SLC7A11: variants seen among roughly 807,000 people sequenced by gnomAD.
SLC7A11 encodes the protein cystine/glutamate transporter.
A neutral mutation model predicts 54.5 loss-of-function variants in SLC7A11; 35 were observed. The ratio of observed to expected loss-of-function variants is 0.64; its 90% CI spans 0.49 to 0.85. The LOEUF (loss-of-function observed/expected upper bound fraction) is 0.85. Ranked by LOEUF, SLC7A11 falls within the 40% of genes least tolerant of loss-of-function variation. The pLI, the probability that SLC7A11 is intolerant of heterozygous loss-of-function variation, is 0.00. For synonymous variants in SLC7A11, 230 were observed against 225.2 expected (o/e 1.02, Z -0.19); for missense variants, 583 against 618.1 (o/e 0.94, Z 0.60).
At chr4:138,216,604 A>G (rs959508875) in intron 5 of SLC7A11, among the ~76,000 whole-genome samples, 2 of 152,134 alleles carry the variant, frequency 1.3e-5, no homozygotes, top group Non-Finnish European at 2.9e-5. Flanking sequence ...CATTCTAGAA[A>G]GTTTCAGCAT....
chr4:138,242,097 AC>A lies in SLC7A11; in HGVS notation c.-29del. 1 of 1,606,626 alleles carries A rather than the reference AC, an allele frequency of 6.2e-7. No homozygotes were observed. On this transcript the variant is annotated 5_prime_UTR_variant, in exon 1 of 12. Transcript: ENST00000280612. ...TAGGGACACACGGGGGAAAAATAAA[AC>A]AGAGGGAAAGAAAACAAAACTTTCA...
In SLC7A11 at chr4:138,188,245, T is replaced by C. The variant is rs113063468; in HGVS notation, c.792-3001A>G. On this transcript the variant is annotated intron_variant, in intron 6 of 11. Coordinates refer to ENST00000280612, the MANE Select transcript of SLC7A11 (RefSeq NM_014331.4). Reference sequence around the variant, plus strand: ...ACCCAGCTAATTTTTTTATCTTTATTAGAGACAGGGTTTCACCATGTTGGC... The same window carrying C: ...ACCCAGCTAATTTTTTTATCTTTATCAGAGACAGGGTTTCACCATGTTGGC... Among the ~76,000 whole-genome samples the C allele has an allele frequency of 2.2e-3, 335 of 152,236 alleles. 3 individuals are homozygous for C. Among genetic ancestry groups the C allele is most frequent in the African/African-American group, 7.8e-3 (325 of 41,536 alleles).
At position 138,241,909 on chromosome 4, in the gene SLC7A11, A is replaced by G. The variant is rs1488250785; in HGVS notation, c.161T>C (p.Ile54Thr). ...VTLLRGVSIIIGTIIGAGIFI... is the reference protein window; with the variant it reads ...VTLLRGVSIITGTIIGAGIFI... ...GATTCCTGCTCCAATGATGGTGCCA[A>G]TGATAATGGAGACTCCCCTCAGTAA... Residue 54 changes from isoleucine to threonine, a missense_variant, in exon 1 of 12, where the codon ATT (isoleucine) becomes ACT (threonine). Coordinates refer to ENST00000280612, the MANE Select transcript of SLC7A11 (RefSeq NM_014331.4). The G allele has an allele frequency of 3.1e-6, 5 of 1,613,930 alleles. No homozygotes were observed. Among genetic ancestry groups the G allele is most frequent in the Non-Finnish European group, 4.2e-6 (5 of 1,179,886 alleles).
chr4:138,207,855 T>C (rs866589361), intron 6 of SLC7A11, among the ~76,000 whole-genome samples: 10 of 152,120 alleles, frequency 6.6e-5, no homozygotes, highest in African/African-American at 2.2e-4. Flanking sequence ...TTTTCTTATG[T>C]TTTTTACTCA....
chr4:138,241,392 T>C (rs1455165732), intron 1 of SLC7A11, among the ~76,000 whole-genome samples: 2 of 152,224 alleles, frequency 1.3e-5, no homozygotes, highest in Admixed American at 6.5e-5. Context: ...TATGTCTAAA[T>C]AGCCCATGCC....
intron 6 of SLC7A11, among the ~76,000 whole-genome samples, chr4:138,190,123 G>A (rs1736973767): frequency 6.6e-6 from 1 of 152,150 alleles, no homozygotes; most frequent in Non-Finnish European, 1.5e-5. Context: ...GTGGGGCTAG[G>A]CATGAGGATA....
At chr4:138,241,000 T>C (rs1384628069) in intron 1 of SLC7A11, among the ~76,000 whole-genome samples, 1 of 152,140 alleles carries the variant, frequency 6.6e-6, no homozygotes, top group Non-Finnish European at 1.5e-5. Context: ...CCAGTTCCCT[T>C]CAGATTAATT....
rs1736335958 is a variant in SLC7A11 at position 138,168,892 on chromosome 4, A to C, written c.*3064T>G. On this transcript the variant is annotated 3_prime_UTR_variant, in exon 12 of 12. Transcript: ENST00000280612. Reference sequence around the variant, plus strand: ...AGGAATATAATCTAATACTTTTTAAATGGGGTCAAAACAGTATTATAAGGA... The same window carrying C: ...AGGAATATAATCTAATACTTTTTAACTGGGGTCAAAACAGTATTATAAGGA... 6.6e-6 allele frequency: 1 copy of C among 152,178 alleles called. No homozygotes were observed. The highest frequency in any genetic ancestry group is 2.1e-4 in the South Asian group (1 of 4,828). 9.4% of individuals were successfully genotyped at this position (152,178 alleles called of 1,614,324 possible). A position where few individuals can be genotyped will look rare whatever the true frequency, so the allele number is the denominator to read the frequency against.
chr4:138,212,368 CCAAA>C (rs1406835551), intron 6 of SLC7A11, among the ~76,000 whole-genome samples: 4 of 151,838 alleles, frequency 2.6e-5, no homozygotes, highest in Non-Finnish European at 1.5e-5. Flanking sequence ...GTAATGACAA[CCAAA>C]CAATTATGTA....
At position 138,167,528 on chromosome 4, in the gene SLC7A11, T is replaced by C. The variant is rs1736299364; in HGVS notation, c.*4428A>G. ...AGATCACACTTTTAGATATTATCTATTTTAACATAGATTAAAAATACTGTT... is the reference window on the plus strand; with the variant it reads ...AGATCACACTTTTAGATATTATCTACTTTAACATAGATTAAAAATACTGTT... On this transcript the variant is annotated 3_prime_UTR_variant, in exon 12 of 12. Coordinates refer to ENST00000280612, the MANE Select transcript of SLC7A11 (RefSeq NM_014331.4). The C allele has an allele frequency of 6.6e-6, 1 of 152,174 alleles. No individual in the cohort carries two copies. The highest frequency in any genetic ancestry group is 2.4e-5 in the African/African-American group (1 of 41,460). 9.4% of individuals were successfully genotyped at this position (152,174 alleles called of 1,614,324 possible).
intron 10 of SLC7A11, among the ~76,000 whole-genome samples, 156 bp downstream of exon 10, chr4:138,180,485 T>C (rs1299511981): frequency 6.6e-6 from 1 of 151,948 alleles, no homozygotes; most frequent in African/African-American, 2.4e-5. Flanking sequence ...CAACTTAAAA[T>C]AAATCCAACA....
intron 6 of SLC7A11, among the ~76,000 whole-genome samples, chr4:138,196,080 T>C (rs1476846288): frequency 6.6e-6 from 1 of 152,152 alleles, no homozygotes; most frequent in Non-Finnish European, 1.5e-5. Context: ...AAATGTTTAT[T>C]CCACCAAATC....
chr4:138,187,643 T>C (rs533821552), intron 6 of SLC7A11, among the ~76,000 whole-genome samples: 37 of 152,274 alleles, frequency 2.4e-4, no homozygotes, highest in African/African-American at 8.4e-4. Flanking sequence ...AGAGCTTTTA[T>C]CAAACTAGTA....
At chr4:138,208,021 A>ATTGTG (rs1737450644) in intron 6 of SLC7A11, among the ~76,000 whole-genome samples, 1 of 152,100 alleles carries the variant, frequency 6.6e-6, no homozygotes, top group Non-Finnish European at 1.5e-5. Flanking sequence ...GACCATTTGT[A>ATTGTG]GACCAATCTG....
chr4:138,224,307 C>A (rs1178001345), intron 3 of SLC7A11, among the ~76,000 whole-genome samples: 3 of 152,090 alleles, frequency 2.0e-5, no homozygotes, highest in East Asian at 3.8e-4. Flanking sequence ...TTTCCACAAC[C>A]TTATGCTTGG....
chr4:138,180,114 G>A (rs1037189845), intron 10 of SLC7A11, among the ~76,000 whole-genome samples: 2 of 152,094 alleles, frequency 1.3e-5, no homozygotes, highest in African/African-American at 4.8e-5. Flanking sequence ...TGGTAAATTT[G>A]TAGATCTTCT....
intron 2 of SLC7A11, among the ~76,000 whole-genome samples, chr4:138,236,121 G>A (rs1171455545): frequency 1.3e-5 from 2 of 152,134 alleles, no homozygotes; most frequent in Admixed American, 1.3e-4. Flanking sequence ...TGGCATTGCT[G>A]GTGAACTGCT....
chr4:138,214,325 C>T (rs957218823), intron 6 of SLC7A11, among the ~76,000 whole-genome samples: 2 of 151,500 alleles, frequency 1.3e-5, no homozygotes, highest in Non-Finnish European at 2.9e-5. Context: ...TTTATTATTT[C>T]CTATTTTCAG....
At position 138,232,398 on chromosome 4, in the gene SLC7A11, T is replaced by C. The variant is rs1738101371; in HGVS notation, c.405-16A>G. The C allele has an allele frequency of 5.5e-6, 8 of 1,447,798 alleles. No homozygotes were observed. Among genetic ancestry groups the C allele is most frequent in the Non-Finnish European group, 7.7e-6 (8 of 1,033,596 alleles). The allele number at this position is 1,447,798 out of a possible 1,614,324, so 89.7% of individuals were successfully genotyped here. ...AGCTGCAGGGCTAAAAAAAAATGTA[T>C]ATATTTAGGTTAACCACAGGGGAAA... On this transcript the variant is annotated splice_polypyrimidine_tract_variant and intron_variant, in intron 2 of 11. Transcript: ENST00000280612.
Sources: allele counts gnomAD v4.1 joint callset (sites outside exome capture counted in the v4.1 genomes callset), GRCh38; gene constraint gnomAD v4.1.1; transcripts MANE v1.5; gene names NCBI Gene and HGNC (gene_info 2026-07-23, HGNC 2026-07-21).